The following PPIL6 variants were observed in gnomAD, a reference collection of about 807,000 sequenced individuals.
PPIL6 encodes the protein peptidylprolyl isomerase like 6.
In PPIL6, 39 loss-of-function variants were observed where a neutral mutation model predicts 36.8. The observed-to-expected ratio is 1.06, with a 90% CI of 0.82 to 1.38. The LOEUF (loss-of-function observed/expected upper bound fraction) is 1.38. Among genes scored for constraint, PPIL6 ranks in the 40% most tolerant of loss-of-function variants. The pLI is 0.00. For missense variants in PPIL6, 368 were observed against 379.1 expected (o/e 0.97, Z 0.24); for synonymous variants, 123 against 134.1 (o/e 0.92, Z 0.57).
chr6:109,440,617 C>T lies in PPIL6; in HGVS notation c.-27G>A. 1 of 1,236,180 alleles carries T rather than the reference C, an allele frequency of 8.1e-7. No individual in the cohort carries two copies. The highest frequency in any genetic ancestry group is 1.0e-6 in the Non-Finnish European group (1 of 989,790). 76.6% of individuals were successfully genotyped at this position (1,236,180 alleles called of 1,614,324 possible). On this transcript the variant is annotated 5_prime_UTR_variant, in exon 1 of 8. Coordinates refer to ENST00000521072, the MANE Select transcript of PPIL6 (RefSeq NM_173672.5). ...GCCGCGCCCGGGGACGCCCGGTGAC[C>T]CCAAACACTGCGCGTCGCTCCGGCA...
chr6:109,392,605 C>T lies in PPIL6; in HGVS notation c.*221G>A, dbSNP rs571283190. On this transcript the variant is annotated 3_prime_UTR_variant, in exon 8 of 8. Transcript: ENST00000521072. ...GCCAGAACCATCTCTCATGGCCACC[C>T]GTGGCTGCAAAGGAGTCTAGGAAAT... 1.1e-3 allele frequency: 484 copies of T among 459,904 alleles called. 2 individuals carry two copies. Among genetic ancestry groups the T allele is most frequent in the Non-Finnish European group, 4.7e-4 (124 of 261,702 alleles). 28.5% of individuals were successfully genotyped at this position (459,904 alleles called of 1,614,324 possible). A position where few individuals can be genotyped will look rare whatever the true frequency, so the allele number is the denominator to read the frequency against.
intron 7 of PPIL6, among the ~76,000 whole-genome samples, chr6:109,399,639 G>C (rs564489723): frequency 6.6e-6 from 1 of 152,306 alleles, no homozygotes; most frequent in Non-Finnish European, 1.5e-5. Flanking sequence ...CTGGCCTTAA[G>C]TAATTCACCT....
intron 7 of PPIL6, among the ~76,000 whole-genome samples, chr6:109,398,035 G>T (rs1772371628): frequency 6.6e-6 from 1 of 152,096 alleles, no homozygotes; most frequent in African/African-American, 2.4e-5. Context: ...GGGACTACAG[G>T]TGTGTGCCAC....
intron 5 of PPIL6, among the ~76,000 whole-genome samples, chr6:109,421,987 C>G (rs1773570376): frequency 6.6e-6 from 1 of 152,204 alleles, no homozygotes; most frequent in Admixed American, 6.5e-5. Context: ...ACCGATTCTC[C>G]TGCCTCAGCC....
At chr6:109,420,271 T>C (rs1384749844) in intron 5 of PPIL6, among the ~76,000 whole-genome samples, 1 of 128,600 alleles carries the variant, frequency 7.8e-6, no homozygotes, top group African/African-American at 3.1e-5. Flanking sequence ...AGGCAGAGGT[T>C]GCAGCGAGCT....
Position 109,440,560 on chromosome 6 carries a change from G to A in PPIL6, c.31C>T (p.His11Tyr). The change falls in exon 1 of 8, where the codon CAC becomes TAC. Residue 11 changes from histidine to tyrosine, a missense_variant. Physicochemically the swap from His to Tyr is moderately conservative, Grantham distance 83 (BLOSUM62 2). Coordinates refer to ENST00000521072, the MANE Select transcript of PPIL6 (RefSeq NM_173672.5). The stretch of plus-strand genomic sequence containing the variant: ...AGCGACGGCGAGCCGCACCTAGCGT[G>A]CGGGGGCCCGCACGGCTGCGGCCTT... MARPQPCGPP[H>Y]ARCGSPSLPE... 1 of 1,462,674 alleles carries A rather than the reference G, an allele frequency of 6.8e-7. No homozygotes were observed. The highest frequency in any genetic ancestry group is 9.0e-7 in the Non-Finnish European group (1 of 1,109,790). 90.6% of individuals were successfully genotyped at this position (1,462,674 alleles called of 1,614,324 possible).
chr6:109,396,645 C>T (rs1438958705), intron 7 of PPIL6, among the ~76,000 whole-genome samples: 1 of 152,106 alleles, frequency 6.6e-6, no homozygotes, highest in Non-Finnish European at 1.5e-5. Context: ...CCATGACCCC[C>T]TCCCACCTTA....
intron 6 of PPIL6, among the ~76,000 whole-genome samples, chr6:109,405,726 A>C (rs2115210443): frequency 6.6e-6 from 1 of 152,236 alleles, no homozygotes; most frequent in Middle Eastern, 3.4e-3. Flanking sequence ...TCAGATATCT[A>C]CCAGCTACCC....
chr6:109,430,748 C>G (rs769725607), intron 3 of PPIL6, among the ~76,000 whole-genome samples: 1 of 152,194 alleles, frequency 6.6e-6, no homozygotes, highest in African/African-American at 2.4e-5. Context: ...TAAAATGTCA[C>G]CTTTCTTCAA....
chr6:109,399,209 G>A (rs1474060491), intron 7 of PPIL6, among the ~76,000 whole-genome samples: 1 of 152,012 alleles, frequency 6.6e-6, no homozygotes. Flanking sequence ...CTGGGTTCAA[G>A]CAATTATCCT....
At chr6:109,394,370 C>CA (rs560635029) in intron 7 of PPIL6, among the ~76,000 whole-genome samples, 3,135 of 49,204 alleles carry the variant, frequency 0.064, 144 homozygotes, top group African/African-American at 0.14. Flanking sequence ...AGACTTATCT[C>CA]AAAAAAAAAA....
intron 6 of PPIL6, among the ~76,000 whole-genome samples, chr6:109,416,734 G>C (rs1234441668): frequency 1.3e-5 from 2 of 152,012 alleles, no homozygotes; most frequent in African/African-American, 4.8e-5. Context: ...TCCAGTTTTA[G>C]ATCTTTTACC....
At chr6:109,436,238 C>T (rs753372860) in intron 1 of PPIL6, 39 bp from the exon 2 acceptor site, 1 of 1,232,014 alleles carries the variant, frequency 8.1e-7, no homozygotes, top group Non-Finnish European at 1.2e-6. Context: ...AGAGTTAGTT[C>T]TCTTTTAAAG....
intron 5 of PPIL6, among the ~76,000 whole-genome samples, chr6:109,425,925 A>C (rs1330156044): frequency 6.6e-6 from 1 of 152,206 alleles, no homozygotes; most frequent in Non-Finnish European, 1.5e-5. Context: ...TTAAACTGGT[A>C]TAGCAATATG....
chr6:109,405,419 C>T, intron 6 of PPIL6, among the ~76,000 whole-genome samples: 1 of 152,040 alleles, frequency 6.6e-6, no homozygotes, highest in East Asian at 1.9e-4. Context: ...CTTTCTTTTC[C>T]TTACATTTAT....
At chr6:109,434,519 G>C (rs1264669878) in intron 2 of PPIL6, among the ~76,000 whole-genome samples, 1 of 152,150 alleles carries the variant, frequency 6.6e-6, no homozygotes, top group Non-Finnish European at 1.5e-5. Flanking sequence ...ATTCCAATGA[G>C]AATCTTTTAA....
chr6:109,396,311 G>A (rs895548345), intron 7 of PPIL6, among the ~76,000 whole-genome samples: 1 of 152,088 alleles, frequency 6.6e-6, no homozygotes, highest in East Asian at 1.9e-4. Flanking sequence ...TGGTTATGTC[G>A]CTCACAATGT....
At chr6:109,419,386 G>C in intron 5 of PPIL6, 143 bp from the exon 6 acceptor site, 1 of 575,096 alleles carries the variant, frequency 1.7e-6, no homozygotes, top group Non-Finnish European at 3.1e-6. Flanking sequence ...TTTGAGACCA[G>C]CCTGGGCAAC....
chr6:109,432,624 G>GC (rs1378634895), intron 2 of PPIL6, among the ~76,000 whole-genome samples: 1 of 151,978 alleles, frequency 6.6e-6, no homozygotes, highest in Non-Finnish European at 1.5e-5. Context: ...CTGAGAATTT[G>GC]CATTTATTTA....
Sources: allele counts gnomAD v4.1 joint callset (sites outside exome capture counted in the v4.1 genomes callset), GRCh38; gene constraint gnomAD v4.1.1; transcripts MANE v1.5; gene names NCBI Gene and HGNC (gene_info 2026-07-23, HGNC 2026-07-21).